Variants in ENAH observed in about 807,000 individuals in gnomAD.
The protein encoded by ENAH is protein enabled homolog.
ENAH carries 23 observed loss-of-function variants against 78.7 expected under a neutral mutation model. That is an observed-to-expected ratio of 0.29 (90% CI 0.21 to 0.41). ENAH has a LOEUF of 0.41. Among genes scored for constraint, ENAH ranks in the 10% least tolerant of loss-of-function variants. The pLI is 1.00. For missense variants in ENAH, 544 were observed against 691.0 expected (o/e 0.79, Z 2.39); for synonymous variants, 226 against 241.0 (o/e 0.94, Z 0.58).
At position 225,630,382 on chromosome 1, in the gene ENAH, T is replaced by C. The variant is rs538592872; in HGVS notation, c.5+22304A>G. On this transcript the variant is annotated intron_variant, in intron 1 of 13. Transcript: ENST00000366843. ...GGCTCCACTAATTACTACTTTTGTG[T>C]TCCTTTTTGTGCCTCACTCTTCTCA... Among the ~76,000 whole-genome samples, 4 of 152,352 alleles carry C rather than the reference T, an allele frequency of 2.6e-5. No homozygotes were observed. The South Asian group carries it at 6.2e-4, about 24-fold the overall frequency.
chr1:225,584,377 A>G (rs1381939398), intron 1 of ENAH, among the ~76,000 whole-genome samples: 1 of 152,238 alleles, frequency 6.6e-6, no homozygotes, highest in African/African-American at 2.4e-5. Context: ...AGTGAAAGCA[A>G]TAACTAACAG....
intron 2 of ENAH, among the ~76,000 whole-genome samples, chr1:225,561,619 T>TTAAAATAAAATAAAATAAAATAAAA (rs140300660): frequency 0.16 from 19,814 of 125,516 alleles, 1,981 homozygotes; most frequent in East Asian, 0.29. Context: ...AGATTCCGTC[T>TTAAAATAAAATAAAATAAAATAAAA]TAAAATAAAA....
chr1:225,528,197 CA>C (rs1176986385), intron 4 of ENAH, among the ~76,000 whole-genome samples: 6 of 152,094 alleles, frequency 3.9e-5, no homozygotes, highest in African/African-American at 1.4e-4. Context: ...AGGTAATACT[CA>C]AATGTAAAAT....
At chr1:225,602,178 A>G (rs2096934329) in intron 1 of ENAH, among the ~76,000 whole-genome samples, 1 of 152,128 alleles carries the variant, frequency 6.6e-6, no homozygotes, top group Admixed American at 6.5e-5. Flanking sequence ...TTGAAAGAAA[A>G]CAGGTTGAAA....
chr1:225,516,828 C>T (rs983524736), intron 6 of ENAH, among the ~76,000 whole-genome samples: 5 of 150,632 alleles, frequency 3.3e-5, no homozygotes, highest in African/African-American at 1.2e-4. Context: ...GAGCTGAGAT[C>T]GTGCCACTCT....
At chr1:225,648,305 ATCTT>A in intron 1 of ENAH, among the ~76,000 whole-genome samples, 1 of 152,274 alleles carries the variant, frequency 6.6e-6, no homozygotes, top group South Asian at 2.1e-4. Flanking sequence ...ATTTTTTCAA[ATCTT>A]TCTTACACTC....
intron 4 of ENAH, among the ~76,000 whole-genome samples, chr1:225,520,914 AAGGG>A (rs2096461829): frequency 2.2e-5 from 2 of 90,958 alleles, no homozygotes; most frequent in East Asian, 3.9e-4. Flanking sequence ...GAAGGGAAGG[AAGGG>A]AGGAAGGGAG....
At chr1:225,593,389 CTG>C (rs1222265738) in intron 1 of ENAH, among the ~76,000 whole-genome samples, 17 of 20,036 alleles carry the variant, frequency 8.5e-4, no homozygotes, top group South Asian at 2.2e-3. Flanking sequence ...CAGCCTGCCC[CTG>C]TGTGTGTGTG....
At chr1:225,547,072 T>C (rs993997982) in intron 3 of ENAH, among the ~76,000 whole-genome samples, 5 of 147,416 alleles carry the variant, frequency 3.4e-5, no homozygotes, top group African/African-American at 1.3e-4. Flanking sequence ...TTGTTGTTTT[T>C]GTTTTGTTTT....
chr1:225,623,410 A>G (rs965901205), intron 1 of ENAH, among the ~76,000 whole-genome samples: 12 of 152,158 alleles, frequency 7.9e-5, no homozygotes, highest in African/African-American at 2.9e-4. Flanking sequence ...GCAAAGACTC[A>G]TAATTTCACT....
Position 225,574,245 on chromosome 1 carries a change from T to C in ENAH, c.6-6831A>G, listed in dbSNP as rs556489579. ...AGGTTTCAACTCGATTCCACAAATATTGTTCACATTTATAACACAGGTCCT... is the reference window on the plus strand; with the variant it reads ...AGGTTTCAACTCGATTCCACAAATACTGTTCACATTTATAACACAGGTCCT... On this transcript the variant is annotated intron_variant, in intron 1 of 13. Coordinates refer to ENST00000366843, the MANE Select transcript of ENAH (RefSeq NM_018212.6). 2.6e-5 allele frequency among the ~76,000 whole-genome samples: 4 copies of C among 152,268 alleles called. No individual in the cohort carries two copies. The East Asian group carries it at 7.7e-4, about 29-fold the overall frequency.
intron 1 of ENAH, among the ~76,000 whole-genome samples, chr1:225,569,904 C>T (rs1434297735): frequency 6.6e-6 from 1 of 152,000 alleles, no homozygotes; most frequent in African/African-American, 2.4e-5. Flanking sequence ...ACTGTGTAGC[C>T]CTAGAAGATA....
intron 1 of ENAH, among the ~76,000 whole-genome samples, chr1:225,642,416 A>T (rs1288567185): frequency 1.3e-5 from 2 of 152,072 alleles, no homozygotes; most frequent in Non-Finnish European, 2.9e-5. Flanking sequence ...TGTTGTCATG[A>T]GGAGGCTGCT....
intron 1 of ENAH, among the ~76,000 whole-genome samples, chr1:225,650,654 T>A (rs1253987291): frequency 6.6e-6 from 1 of 151,816 alleles, no homozygotes; most frequent in Non-Finnish European, 1.5e-5. Context: ...TTGGAGACCA[T>A]CCTGGCTAAC....
Position 225,586,971 on chromosome 1 carries a change from C to T in ENAH, c.6-19557G>A, listed in dbSNP as rs137885416. Among the ~76,000 whole-genome samples, 7 of 151,628 alleles carry T rather than the reference C, an allele frequency of 4.6e-5. No homozygotes were observed. The East Asian group carries it at 1.4e-3, about 29-fold the overall frequency. ...GGTGGGGGTGGGGTTGGCTGGGGGA[C>T]AGAAAAAGCAGGGATAAAATGCAAC... On this transcript the variant is annotated intron_variant, in intron 1 of 13. Transcript: ENST00000366843.
chr1:225,545,552 T>C (rs1202497595), intron 3 of ENAH, among the ~76,000 whole-genome samples: 1 of 152,210 alleles, frequency 6.6e-6, no homozygotes, highest in Non-Finnish European at 1.5e-5. Context: ...TAACTATTTC[T>C]CAGAACAAAA....
rs558053188 is a variant in ENAH at position 225,542,329 on chromosome 1, T to C, written c.350-11691A>G. On this transcript the variant is annotated intron_variant, in intron 3 of 13. Coordinates refer to ENST00000366843, the MANE Select transcript of ENAH (RefSeq NM_018212.6). ...CACCAGAGCTGGTTGAGAGAAGGCA[T>C]ACAGTGGCTGTTCTGCCATCACACT... 1.2e-4 allele frequency among the ~76,000 whole-genome samples: 18 copies of C among 152,348 alleles called. 2 individuals are homozygous for C. The South Asian group carries it at 3.5e-3, about 30-fold the overall frequency.
chr1:225,609,877 CTGG>C (rs2096978774), intron 1 of ENAH, among the ~76,000 whole-genome samples: 1 of 151,806 alleles, frequency 6.6e-6, no homozygotes, highest in African/African-American at 2.4e-5. Flanking sequence ...GTTGGCCAGG[CTGG>C]TCTGAACTCC....
chr1:225,609,565 G>T (rs1003471258), intron 1 of ENAH, among the ~76,000 whole-genome samples: 1 of 150,696 alleles, frequency 6.6e-6, no homozygotes, highest in Non-Finnish European at 1.5e-5. Flanking sequence ...GTTTAAACAC[G>T]TTATCTGGAA....
Sources: allele counts gnomAD v4.1 joint callset (sites outside exome capture counted in the v4.1 genomes callset), GRCh38; gene constraint gnomAD v4.1.1; transcripts MANE v1.5; gene names NCBI Gene and HGNC (gene_info 2026-07-23, HGNC 2026-07-21).